PDE1C: variants seen among roughly 807,000 people sequenced by gnomAD.
The protein encoded by PDE1C is phosphodiesterase 1C.
A neutral mutation model predicts 93.1 loss-of-function variants in PDE1C; 62 were observed. The ratio of observed to expected loss-of-function variants is 0.67; its 90% CI spans 0.54 to 0.82. The LOEUF (loss-of-function observed/expected upper bound fraction) is 0.82. PDE1C is among the 40% of genes least tolerant of loss of function. The pLI is 0.00. For synonymous variants in PDE1C, 325 were observed against 310.1 expected, an observed-to-expected ratio of 1.05 and a Z score of -0.50; for missense variants, 742 against 884.6, an observed-to-expected ratio of 0.84 and a Z score of 2.04.
At chr7:31,758,185 C>T (rs893507249) in intron 17 of PDE1C, among the ~76,000 whole-genome samples, 25 of 152,090 alleles carry the variant, frequency 1.6e-4, no homozygotes, top group African/African-American at 6.0e-4. Context: ...TTAGGAGATA[C>T]ACCTAATGTA....
chr7:31,999,529 C>T (rs573267892), intron 2 of PDE1C, among the ~76,000 whole-genome samples: 5 of 152,168 alleles, frequency 3.3e-5, no homozygotes, highest in South Asian at 4.1e-4. Flanking sequence ...AGCTCTCTGA[C>T]CCTGAAGCCA....
intron 16 of PDE1C, among the ~76,000 whole-genome samples, chr7:31,795,768 T>C (rs1584124904): frequency 6.6e-6 from 1 of 151,710 alleles, no homozygotes. Context: ...ATCAATCTCA[T>C]ATAATATATA....
chr7:32,348,356 C>CTT (rs59148183), intron 1 of PDE1C, among the ~76,000 whole-genome samples: 1,392 of 57,302 alleles, frequency 0.024, 370 homozygotes, highest in African/African-American at 0.029. Context: ...AACAAATGTG[C>CTT]TTTTTTTTTT....
chr7:32,144,193 CA>C (rs1800692007), intron 3 of PDE1C, among the ~76,000 whole-genome samples: 1 of 152,126 alleles, frequency 6.6e-6, no homozygotes. Flanking sequence ...CTCACAAAAC[CA>C]AGCTTTATCT....
intron 3 of PDE1C, among the ~76,000 whole-genome samples, chr7:32,117,395 G>A (rs1799042502): frequency 6.6e-6 from 1 of 152,220 alleles, no homozygotes; most frequent in South Asian, 2.1e-4. Context: ...CAGGGCCTAT[G>A]AATGCAGATG....
intron 1 of PDE1C, among the ~76,000 whole-genome samples, chr7:32,280,140 T>C (rs1389738673): frequency 6.6e-6 from 1 of 152,174 alleles, no homozygotes; most frequent in Non-Finnish European, 1.5e-5. Context: ...TTTTTAACAA[T>C]GAGAATATAA....
chr7:32,096,356 A>G (rs1380835314), intron 3 of PDE1C, among the ~76,000 whole-genome samples: 4 of 152,232 alleles, frequency 2.6e-5, no homozygotes. Flanking sequence ...GTGAAGTCAG[A>G]CAACAGAATG....
intron 3 of PDE1C, among the ~76,000 whole-genome samples, chr7:32,131,201 C>G (rs1315188196): frequency 1.3e-5 from 2 of 152,144 alleles, no homozygotes; most frequent in African/African-American, 2.4e-5. Flanking sequence ...TACACTCACT[C>G]TTGGAGTGAG....
At chr7:32,373,061 A>G (rs1003890022) in intron 1 of PDE1C, among the ~76,000 whole-genome samples, 4 of 152,250 alleles carry the variant, frequency 2.6e-5, no homozygotes, top group African/African-American at 7.2e-5. Context: ...GCAGTTTCTC[A>G]AAGATTAATC....
At chr7:31,829,428 C>T (rs1220973213) in intron 11 of PDE1C, among the ~76,000 whole-genome samples, 1 of 152,112 alleles carries the variant, frequency 6.6e-6, no homozygotes, top group African/African-American at 2.4e-5. Flanking sequence ...CTAATACACT[C>T]CGATTGTAAT....
chr7:32,146,248 C>T (rs1334513861), intron 3 of PDE1C, among the ~76,000 whole-genome samples: 1 of 152,178 alleles, frequency 6.6e-6, no homozygotes, highest in Non-Finnish European at 1.5e-5. Flanking sequence ...TATCCATTTC[C>T]CATTGCCACT....
intron 1 of PDE1C, among the ~76,000 whole-genome samples, chr7:32,297,941 G>T (rs1812682079): frequency 2.4e-5 from 3 of 124,224 alleles, no homozygotes; most frequent in African/African-American, 3.1e-5. Flanking sequence ...AACTTTTATA[G>T]AAACTATTGT....
chr7:32,412,712 G>A (rs564245498), intron 1 of PDE1C, among the ~76,000 whole-genome samples: 3 of 151,706 alleles, frequency 2.0e-5, no homozygotes, highest in African/African-American at 7.3e-5. Flanking sequence ...CCCGAAATTC[G>A]TTATGCAGGA....
intron 17 of PDE1C, among the ~76,000 whole-genome samples, chr7:31,753,927 G>C (rs1794276435): frequency 6.6e-6 from 1 of 152,180 alleles, no homozygotes; most frequent in Non-Finnish European, 1.5e-5. Flanking sequence ...TTGTATGTAA[G>C]CTTTTAGTGT....
In PDE1C at chr7:31,823,057, G is replaced by C. The variant is rs529398859; in HGVS notation, c.1582+16C>G. 5.6e-5 allele frequency: 89 copies of C among 1,601,456 alleles called. No individual in the cohort carries two copies. Among genetic ancestry groups the C allele is most frequent in the Non-Finnish European group, 7.3e-5 (86 of 1,173,484 alleles). On this transcript the variant is annotated intron_variant, in intron 14 of 17. Coordinates refer to ENST00000396191, the MANE Select transcript of PDE1C (RefSeq NM_001191057.4). ...TTTTATGCTGAATTGGTTTGGACAG[G>C]TCTGTGGCATGTTACCTTTGGGTAC... is the stretch of plus-strand genomic sequence containing the variant.
chr7:32,281,610 C>T (rs781128197), intron 1 of PDE1C, among the ~76,000 whole-genome samples: 2 of 152,036 alleles, frequency 1.3e-5, no homozygotes, highest in African/African-American at 4.8e-5. Context: ...AAAGGAAATA[C>T]CCCAACAGAA....
intron 1 of PDE1C, among the ~76,000 whole-genome samples, chr7:32,331,839 T>C (rs1389301485): frequency 6.6e-6 from 1 of 152,204 alleles, no homozygotes; most frequent in Non-Finnish European, 1.5e-5. Flanking sequence ...TCTATGACTA[T>C]GAGGCTTCAA....
chr7:31,830,770 C>T (rs1324304381), intron 11 of PDE1C, among the ~76,000 whole-genome samples: 2 of 152,158 alleles, frequency 1.3e-5, no homozygotes, highest in African/African-American at 4.8e-5. Context: ...ATCTCTTATG[C>T]CTACTTCTCC....
intron 17 of PDE1C, among the ~76,000 whole-genome samples, chr7:31,757,831 T>G (rs1794566306): frequency 6.6e-6 from 1 of 152,154 alleles, no homozygotes. Context: ...CATGCTGCTA[T>G]AAAGACACAT....
Sources: gnomAD v4.1 joint callset for allele counts (sites outside exome capture counted in the v4.1 genomes callset) on GRCh38, gnomAD v4.1.1 for gene constraint, MANE v1.5 for transcripts, NCBI Gene and HGNC (gene_info 2026-07-23, HGNC 2026-07-21) for gene names.